NRXN1: variants seen among roughly 807,000 people sequenced by gnomAD.
The protein encoded by NRXN1 is neurexin 1.
Under a neutral mutation model 150.9 loss-of-function variants are expected in NRXN1, and 39 were observed. The ratio of observed to expected loss-of-function variants is 0.26; its 90% CI spans 0.20 to 0.34. NRXN1 has a LOEUF of 0.34. Ranked by LOEUF, NRXN1 falls within the 10% of genes least tolerant of loss-of-function variation. The pLI, the probability that NRXN1 is intolerant of heterozygous loss-of-function variation, is 1.00. For synonymous variants in NRXN1, 924 were observed against 757.0 expected, an observed-to-expected ratio of 1.22 and a Z score of -3.62; for missense variants, 1,815 against 1,949.9, an observed-to-expected ratio of 0.93 and a Z score of 1.30.
At chr2:50,632,349 T>C (rs980487403) in intron 5 of NRXN1, 2 of 151,962 alleles carry the variant, frequency 1.3e-5, no homozygotes, top group African/African-American at 2.4e-5. Context: ...TATACACAGA[T>C]GATAGCATCT....
chr2:50,782,103 A>G (rs13417724), intron 5 of NRXN1, among the ~76,000 whole-genome samples: 6,495 of 151,786 alleles, frequency 0.043, 221 homozygotes, highest in South Asian at 0.066. Flanking sequence ...GGTAGATGCT[A>G]AACAAAAGAT....
intron 17 of NRXN1, among the ~76,000 whole-genome samples, chr2:50,350,485 A>T (rs1310394386): frequency 2.6e-5 from 4 of 152,186 alleles, no homozygotes; most frequent in Admixed American, 6.5e-5. Flanking sequence ...TCAGCCAGGA[A>T]CATGTGCATT....
intron 10 of NRXN1, among the ~76,000 whole-genome samples, chr2:50,533,297 T>C (rs900320865): frequency 8.5e-5 from 13 of 152,186 alleles, no homozygotes; most frequent in African/African-American, 2.7e-4. Flanking sequence ...TCATTGCCTA[T>C]TGGAAATTTT....
intron 5 of NRXN1, among the ~76,000 whole-genome samples, chr2:50,633,725 C>T (rs887460729): frequency 6.6e-6 from 1 of 152,044 alleles, no homozygotes; most frequent in African/African-American, 2.4e-5. Flanking sequence ...AAAGGTTTAA[C>T]ACATGCAAAT....
chr2:49,936,323 T>C (rs570937376), intron 22 of NRXN1, among the ~76,000 whole-genome samples: 1 of 152,340 alleles, frequency 6.6e-6, no homozygotes, highest in African/African-American at 2.4e-5. Flanking sequence ...AAATGCATAA[T>C]GCCTTATGAG....
chr2:50,072,414 T>C (rs1696420082), intron 19 of NRXN1, among the ~76,000 whole-genome samples: 1 of 151,988 alleles, frequency 6.6e-6, no homozygotes, highest in African/African-American at 2.4e-5. Context: ...GAAACTACTG[T>C]GAGATCCCAA....
intron 18 of NRXN1, among the ~76,000 whole-genome samples, chr2:50,100,296 T>C (rs1195716456): frequency 6.6e-6 from 1 of 152,022 alleles, no homozygotes; most frequent in Non-Finnish European, 1.5e-5. Flanking sequence ...TTGTCAGGTA[T>C]GTAGGATTTA....
intron 8 of NRXN1, among the ~76,000 whole-genome samples, chr2:50,613,258 G>T (rs935865899): frequency 6.6e-6 from 1 of 152,112 alleles, no homozygotes; most frequent in Non-Finnish European, 1.5e-5. Context: ...CCAAGACCTT[G>T]CCTCTAGGAA....
chr2:50,855,059 C>T (rs1311538893), intron 5 of NRXN1, among the ~76,000 whole-genome samples: 2 of 151,822 alleles, frequency 1.3e-5, no homozygotes, highest in Non-Finnish European at 2.9e-5. Flanking sequence ...CTAGACACAC[C>T]GGGGTTGAGA....
Position 50,346,657 on chromosome 2 carries a change from GA to G in NRXN1, c.3365-109688del. On this transcript the variant is annotated intron_variant, in intron 17 of 22. Coordinates refer to ENST00000401669, the MANE Select transcript of NRXN1 (RefSeq NM_001330078.2). This position sits in a 1 kb window ranked among gnomAD's most constrained non-coding sequence, Gnocchi z 5.0. ...CAGGGTAGAAAGAGGGGAGCGAGGG[GA>G]TAACCCGCGAGAACTTGGCATCGCA... 1 of 1,609,106 alleles carries G rather than the reference GA, an allele frequency of 6.2e-7. No individual in the cohort carries two copies. The highest frequency in any genetic ancestry group is 8.5e-7 in the Non-Finnish European group (1 of 1,176,204).
intron 18 of NRXN1, among the ~76,000 whole-genome samples, chr2:50,141,980 A>C (rs767686597): frequency 3.3e-5 from 5 of 152,074 alleles, no homozygotes; most frequent in Admixed American, 6.6e-5. Context: ...AAATCAGTTC[A>C]AAGGAATACC....
intron 21 of NRXN1, among the ~76,000 whole-genome samples, chr2:50,021,929 C>A (rs1286603894): frequency 1.3e-5 from 2 of 152,190 alleles, no homozygotes; most frequent in Admixed American, 1.3e-4. Context: ...CGGCTCACTG[C>A]AACCTCCACT....
chr2:50,531,448 A>G lies in NRXN1; in HGVS notation c.2144-18T>C. ...CGTTGCCTCTAGAGATGGAAAATGA[A>G]TATGATAAGTTCTTGGATGGTATAG... On this transcript the variant is annotated intron_variant, in intron 10 of 22. Coordinates refer to ENST00000401669, the MANE Select transcript of NRXN1 (RefSeq NM_001330078.2). 2 of 1,591,938 alleles carry G rather than the reference A, an allele frequency of 1.3e-6. No individual in the cohort carries two copies. Among genetic ancestry groups the G allele is most frequent in the Non-Finnish European group, 1.7e-6 (2 of 1,164,968 alleles).
At chr2:50,383,016 C>G (rs1572763502) in intron 17 of NRXN1, among the ~76,000 whole-genome samples, 1 of 152,060 alleles carries the variant, frequency 6.6e-6, no homozygotes, top group East Asian at 1.9e-4. Flanking sequence ...TAGAATTGTT[C>G]CCATCATCAT....
At chr2:50,410,730 A>G (rs1420228986) in intron 17 of NRXN1, among the ~76,000 whole-genome samples, 12 of 152,242 alleles carry the variant, frequency 7.9e-5, no homozygotes, top group African/African-American at 2.7e-4. Context: ...AGGCAGGCCT[A>G]TTGATCTTGC....
chr2:50,666,876 ATGATGTGTG>A (rs1559097580), intron 5 of NRXN1, among the ~76,000 whole-genome samples: 1 of 33,746 alleles, frequency 3.0e-5, no homozygotes, highest in African/African-American at 1.0e-4. Flanking sequence ...GATGATGATG[ATGATGTGTG>A]TGTGTGTGTG....
intron 5 of NRXN1, among the ~76,000 whole-genome samples, chr2:50,630,266 G>A (rs1573881205): frequency 6.6e-6 from 1 of 151,668 alleles, no homozygotes; most frequent in East Asian, 1.9e-4. Context: ...TGTTGTAGAA[G>A]GTGTTCAATC....
intron 5 of NRXN1, among the ~76,000 whole-genome samples, chr2:50,828,847 A>G (rs1290636682): frequency 1.3e-5 from 2 of 152,094 alleles, no homozygotes; most frequent in Non-Finnish European, 2.9e-5. Context: ...CAGAGGCTGC[A>G]CTCTCGGCAC....
intron 17 of NRXN1, among the ~76,000 whole-genome samples, chr2:50,306,882 C>T (rs1464392957): frequency 2.6e-5 from 4 of 152,132 alleles, no homozygotes; most frequent in Admixed American, 2.6e-4. Flanking sequence ...AATAGTTCTT[C>T]AGTTTCCTGT....
Sources: gnomAD v4.1 joint callset for allele counts (sites outside exome capture counted in the v4.1 genomes callset) on GRCh38, gnomAD v4.1.1 for gene constraint, Gnocchi (gnomAD v3.1) non-coding constraint, MANE v1.5 for transcripts, NCBI Gene and HGNC (gene_info 2026-07-23, HGNC 2026-07-21) for gene names.